XPA: variants seen among roughly 807,000 people sequenced by gnomAD.
XPA encodes DNA repair protein complementing XP-A cells.
A neutral mutation model predicts 35.7 loss-of-function variants in XPA; 27 were observed. The ratio of observed to expected loss-of-function variants is 0.76; its 90% CI spans 0.56 to 1.04. The LOEUF (loss-of-function observed/expected upper bound fraction) is 1.04, where lower values mean the gene tolerates loss of function less well. XPA is among the 50% of genes least tolerant of loss of function. The pLI is 0.00. For synonymous variants in XPA, 133 were observed against 118.4 expected (o/e 1.12, Z -0.80); for missense variants, 354 against 342.7 (o/e 1.03, Z -0.26).
intron 5 of XPA, among the ~76,000 whole-genome samples, chr9:97,684,628 T>C (rs1223368213): frequency 6.6e-6 from 1 of 152,196 alleles, no homozygotes; most frequent in Admixed American, 6.5e-5. Flanking sequence ...TAAGATTTAA[T>C]TGATGCCAAA....
intron 2 of XPA, among the ~76,000 whole-genome samples, chr9:97,691,725 C>CA (rs912837162): frequency 1.3e-5 from 2 of 150,076 alleles, no homozygotes; most frequent in African/African-American, 4.9e-5. Flanking sequence ...AAAACAAAAA[C>CA]AAAAAAAATT....
intron 1 of XPA, among the ~76,000 whole-genome samples, chr9:97,696,898 C>A (rs1829059419): frequency 6.6e-6 from 1 of 152,180 alleles, no homozygotes; most frequent in African/African-American, 2.4e-5. Flanking sequence ...GGCTGGGGGT[C>A]AGGAGGCCCG....
intron 4 of XPA, among the ~76,000 whole-genome samples, chr9:97,685,632 TA>T (rs1828693453): frequency 6.6e-6 from 1 of 152,186 alleles, no homozygotes. Flanking sequence ...ATTTACACAC[TA>T]AGAATTATGC....
the XPA span, chr9:97,654,744 CAA>C: frequency 1.5e-5 from 12 of 797,302 alleles, no homozygotes; most frequent in African/African-American, 8.7e-5. Flanking sequence ...AAAACAAAAA[CAA>C]GATTGATTGT....
At chr9:97,685,806 T>C (rs562866522) in intron 4 of XPA, among the ~76,000 whole-genome samples, 1 of 152,326 alleles carries the variant, frequency 6.6e-6, no homozygotes, top group East Asian at 1.9e-4. Flanking sequence ...CCAATGCACT[T>C]AATGGTACTT....
At chr9:97,669,528 T>A in the XPA span, 2 of 1,130,818 alleles carry the variant, frequency 1.8e-6, no homozygotes. Flanking sequence ...TTCTTTGTCA[T>A]GAATTTTTTT....
downstream of XPA, chr9:97,671,380 C>T: frequency 1.9e-6 from 1 of 539,420 alleles, no homozygotes; most frequent in Non-Finnish European, 3.3e-6. Context: ...GCAAATACTT[C>T]CTAACGGCAG....
At chr9:97,655,830 TAA>T in the XPA span, 1 of 1,455,042 alleles carries the variant, frequency 6.9e-7, no homozygotes. Flanking sequence ...AACTGTAACA[TAA>T]AAGTGTCTGA....
Position 97,674,942 on chromosome 9 carries a change from A to G in XPA, c.*497T>C. On this transcript the variant is annotated 3_prime_UTR_variant, in exon 6 of 6. Coordinates refer to ENST00000375128, the MANE Select transcript of XPA (RefSeq NM_000380.4). ...GTACAACTCAATGTTTATTTCTGCT[A>G]TTAGGGCTTTTTCCAGCAGTAGTTC... 2 of 515,684 alleles carry G rather than the reference A, an allele frequency of 3.9e-6. No homozygotes were observed. Among genetic ancestry groups the G allele is most frequent in the South Asian group, 1.5e-5 (1 of 65,018 alleles). 31.9% of individuals were successfully genotyped at this position (515,684 alleles called of 1,614,324 possible). A position where few individuals can be genotyped will look rare whatever the true frequency, so the allele number is the denominator to read the frequency against.
In XPA at chr9:97,689,600, C is replaced by T. The variant is rs104894131; in HGVS notation, c.323G>A (p.Cys108Tyr). Residue 108 changes from cysteine to tyrosine, a missense_variant, in exon 3 of 6, where the codon TGT becomes TAT. Cys to Tyr is a radical substitution (Grantham distance 194, BLOSUM62 -2). Transcript: ENST00000375128. ...ATAAGAATCCATAAATTCTTTCCCA[C>T]ATTCTTCGCATATTACATAATCAAA... ...MEFDYVICEE[C>Y]GKEFMDSYLM... is the part of the protein sequence containing the mutation. The T allele has an allele frequency of 1.9e-6, 3 of 1,612,820 alleles. No individual in the cohort carries two copies. The highest frequency in any genetic ancestry group is 2.7e-5 in the African/African-American group (2 of 75,030).
chr9:97,660,612 G>C, the XPA span, among the ~76,000 whole-genome samples: 1 of 152,136 alleles, frequency 6.6e-6, no homozygotes, highest in Admixed American at 6.5e-5. Context: ...GGAGAGTTGA[G>C]GGCATTAAAA....
the XPA span, among the ~76,000 whole-genome samples, chr9:97,664,141 T>G: frequency 6.6e-6 from 1 of 151,994 alleles, no homozygotes; most frequent in Non-Finnish European, 1.5e-5. Flanking sequence ...ATCGTGCCAC[T>G]CCACTCCCGC....
rs1435331433 is a variant in XPA, at chr9:97,675,059, T to C, written c.*380A>G. On this transcript the variant is annotated 3_prime_UTR_variant, in exon 6 of 6. Transcript: ENST00000375128. ...CAGTGGTGCACCACCATTGCTATTA[T>C]TTGTTTCTTGGTTAAGAATCCAGTT... 5.6e-6 allele frequency: 3 copies of C among 533,702 alleles called. No individual in the cohort carries two copies. The highest frequency in any genetic ancestry group is 3.7e-5 in the African/African-American group (2 of 53,778). The allele number at this position is 533,702 out of a possible 1,614,324, so 33.1% of individuals were successfully genotyped here.
the XPA span, chr9:97,661,160 A>G: frequency 1.3e-6 from 2 of 1,503,338 alleles, no homozygotes; most frequent in East Asian, 2.3e-5. Context: ...TCTTAAAGCA[A>G]TATATCTATA....
At chr9:97,683,328 A>C (rs1268651613) in intron 5 of XPA, among the ~76,000 whole-genome samples, 1 of 152,184 alleles carries the variant, frequency 6.6e-6, no homozygotes, top group Non-Finnish European at 1.5e-5. Context: ...AAAGCACTGA[A>C]AAGATTAAAG....
At chr9:97,664,261 T>TAA in the XPA span, 4 of 865,212 alleles carry the variant, frequency 4.6e-6, no homozygotes, top group Non-Finnish European at 7.1e-6. Flanking sequence ...ATTTTACTTT[T>TAA]ATAGCAGCAG....
the XPA span, chr9:97,662,159 A>G: frequency 1.3e-6 from 2 of 1,590,592 alleles, no homozygotes; most frequent in Non-Finnish European, 8.6e-7. Context: ...GTATGAGTAC[A>G]GAGCCTTGCT....
the XPA span, chr9:97,662,936 TCCCATCA>T: frequency 2.5e-6 from 4 of 1,568,652 alleles, no homozygotes; most frequent in Admixed American, 3.6e-5. Flanking sequence ...GGTATTTTTT[TCCCATCA>T]TTATCAAAAG....
chr9:97,654,916 G>A, the XPA span: 53 of 1,611,540 alleles, frequency 3.3e-5, no homozygotes, highest in Admixed American at 5.0e-5. Context: ...CATGCGTTTG[G>A]ACACAATGAA....
Sources: gnomAD v4.1 joint callset for allele counts (sites outside exome capture counted in the v4.1 genomes callset) on GRCh38, gnomAD v4.1.1 for gene constraint, MANE v1.5 for transcripts, NCBI Gene and HGNC (gene_info 2026-07-23, HGNC 2026-07-21) for gene names.